STPG2: variants seen among roughly 807,000 people sequenced by gnomAD.
The protein encoded by STPG2 is sperm-tail PG-rich repeat-containing protein 2.
Under a neutral mutation model 54.2 loss-of-function variants are expected in STPG2, and 56 were observed. The observed-to-expected ratio is 1.03, with a 90% CI of 0.83 to 1.29. The LOEUF (loss-of-function observed/expected upper bound fraction) is 1.29, where lower values mean the gene tolerates loss of function less well. Ranked by LOEUF, STPG2 falls within the 50% of genes most tolerant of loss-of-function variation. STPG2 has a pLI of 0.00. For missense variants in STPG2, 596 were observed against 544.9 expected (o/e 1.09, Z -0.93); for synonymous variants, 200 against 181.8 (o/e 1.10, Z -0.81).
chr4:97,867,579 T>C (rs1355948641), intron 8 of STPG2, among the ~76,000 whole-genome samples: 1 of 152,090 alleles, frequency 6.6e-6, no homozygotes, highest in African/African-American at 2.4e-5. Context: ...GTTTTACCCA[T>C]TTTAGATGTT....
intron 9 of STPG2, among the ~76,000 whole-genome samples, chr4:97,713,742 T>C (rs900504577): frequency 1.3e-5 from 2 of 152,182 alleles, no homozygotes; most frequent in South Asian, 2.1e-4. Context: ...TAACAGGCCA[T>C]TGACAGGTAT....
chr4:98,122,374 A>C (rs1254719123), intron 3 of STPG2, among the ~76,000 whole-genome samples: 2 of 152,134 alleles, frequency 1.3e-5, no homozygotes, highest in Non-Finnish European at 2.9e-5. Context: ...ATGTTCCTTC[A>C]ATATGTAGTT....
rs1740364750 is a variant in STPG2 at position 98,143,475 on chromosome 4, C to T, written c.-325G>A. Reference sequence around the variant, plus strand: ...GACGCTCGCCCCGGTGCTTCCGGCCCTGACTCCGCCCACTTCTCTCCGCCC... The same window carrying T: ...GACGCTCGCCCCGGTGCTTCCGGCCTTGACTCCGCCCACTTCTCTCCGCCC... On this transcript the variant is annotated 5_prime_UTR_variant, in exon 1 of 11. Transcript: ENST00000295268. 6.6e-6 allele frequency among the ~76,000 whole-genome samples: 1 copy of T among 152,198 alleles called. No homozygotes were observed. Among genetic ancestry groups the T allele is most frequent in the Non-Finnish European group, 1.5e-5 (1 of 68,036 alleles).
At chr4:97,899,462 GA>G (rs1731091005) in intron 8 of STPG2, among the ~76,000 whole-genome samples, 1 of 151,534 alleles carries the variant, frequency 6.6e-6, no homozygotes. Flanking sequence ...CACTGAACTA[GA>G]AAAAAAATTT....
chr4:97,558,860 C>G, downstream of STPG2: 1 of 534,868 alleles, frequency 1.9e-6, no homozygotes. Flanking sequence ...TACAATATGA[C>G]TTTTTAAAGA....
At chr4:98,017,653 A>G (rs1736007030) in intron 5 of STPG2, among the ~76,000 whole-genome samples, 1 of 152,176 alleles carries the variant, frequency 6.6e-6, no homozygotes, top group Non-Finnish European at 1.5e-5. Context: ...ATTTTTATGC[A>G]CAGATGGTTG....
intron 4 of STPG2, among the ~76,000 whole-genome samples, chr4:97,446,169 A>C (rs1159731583): frequency 6.6e-6 from 1 of 152,232 alleles, no homozygotes; most frequent in Non-Finnish European, 1.5e-5. Context: ...ACAGAAATTT[A>C]TTTGTATTAA....
At chr4:97,446,285 A>G (rs563359425) in intron 4 of STPG2, among the ~76,000 whole-genome samples, 15 of 152,364 alleles carry the variant, frequency 9.8e-5, no homozygotes, top group African/African-American at 2.4e-4. Flanking sequence ...AGGATCATGT[A>G]CTGGCTATTC....
chr4:97,923,860 C>T (rs1732228979), intron 8 of STPG2, among the ~76,000 whole-genome samples: 1 of 152,084 alleles, frequency 6.6e-6, no homozygotes, highest in South Asian at 2.1e-4. Context: ...CAGTCAGCAC[C>T]CTGTCAAAAT....
chr4:97,631,576 G>A (rs1410948835), intron 10 of STPG2, among the ~76,000 whole-genome samples: 1 of 152,046 alleles, frequency 6.6e-6, no homozygotes, highest in Non-Finnish European at 1.5e-5. Flanking sequence ...CTGTGAATTT[G>A]TATTTGATGA....
At chr4:97,995,312 T>C (rs1735168187) in intron 5 of STPG2, among the ~76,000 whole-genome samples, 1 of 152,044 alleles carries the variant, frequency 6.6e-6, no homozygotes, top group Non-Finnish European at 1.5e-5. Context: ...AAGCCTGCAG[T>C]GGCAATCACC....
chr4:97,741,769 C>T (rs1406702860), intron 9 of STPG2, among the ~76,000 whole-genome samples: 1 of 151,770 alleles, frequency 6.6e-6, no homozygotes, highest in East Asian at 1.9e-4. Flanking sequence ...GTTGGTGGGA[C>T]TGTAAACTAG....
At chr4:97,993,460 G>A (rs1202421403) in intron 5 of STPG2, among the ~76,000 whole-genome samples, 4 of 152,034 alleles carry the variant, frequency 2.6e-5, no homozygotes, top group Non-Finnish European at 4.4e-5. Context: ...TTTTGTATAT[G>A]CTGTTGGATT....
chr4:97,723,341 G>A (rs1477451970), intron 9 of STPG2, among the ~76,000 whole-genome samples: 1 of 151,852 alleles, frequency 6.6e-6, no homozygotes, highest in Admixed American at 6.6e-5. Flanking sequence ...GGGGAGGGAG[G>A]GGTTAAGGGT....
chr4:98,137,803 T>C (rs1183114296), intron 1 of STPG2, among the ~76,000 whole-genome samples: 1 of 151,836 alleles, frequency 6.6e-6, no homozygotes, highest in Non-Finnish European at 1.5e-5. Context: ...TATACATATA[T>C]ATGAAATAAT....
chr4:97,853,089 G>A (rs1729220503), intron 8 of STPG2, among the ~76,000 whole-genome samples: 1 of 138,698 alleles, frequency 7.2e-6, no homozygotes, highest in Non-Finnish European at 1.5e-5. Flanking sequence ...CCATTCCCCT[G>A]CCTCATCCTC....
chr4:97,893,971 T>A (rs1189324820), intron 8 of STPG2, among the ~76,000 whole-genome samples: 1 of 151,928 alleles, frequency 6.6e-6, no homozygotes, highest in African/African-American at 2.4e-5. Context: ...TGAAACAGAA[T>A]GTAAGAGAGG....
At chr4:98,130,135 C>A (rs1739945019) in intron 2 of STPG2, among the ~76,000 whole-genome samples, 1 of 151,856 alleles carries the variant, frequency 6.6e-6, no homozygotes, top group African/African-American at 2.4e-5. Flanking sequence ...GCTGGGATCA[C>A]AGGCACGAGC....
At chr4:97,636,492 C>T (rs541736034) in intron 10 of STPG2, among the ~76,000 whole-genome samples, 6 of 138,528 alleles carry the variant, frequency 4.3e-5, no homozygotes, top group East Asian at 2.1e-4. Context: ...AACTAAAATC[C>T]GAGCAGAACT....
Sources: allele counts gnomAD v4.1 joint callset (sites outside exome capture counted in the v4.1 genomes callset), GRCh38; gene constraint gnomAD v4.1.1; transcripts MANE v1.5; gene names NCBI Gene and HGNC (gene_info 2026-07-23, HGNC 2026-07-21).